Variants in CA10 observed in about 807,000 individuals in gnomAD.
CA10 encodes carbonic anhydrase-related protein 10.
A neutral mutation model predicts 44.2 loss-of-function variants in CA10; 14 were observed. That is an observed-to-expected ratio of 0.32 (90% CI 0.21 to 0.50). The LOEUF (loss-of-function observed/expected upper bound fraction) is 0.50, where lower values mean the gene tolerates loss of function less well. Ranked by LOEUF, CA10 falls within the 20% of genes least tolerant of loss-of-function variation. CA10 has a pLI of 0.99. For missense variants in CA10, 350 were observed against 409.7 expected, an observed-to-expected ratio of 0.85 and a Z score of 1.26; for synonymous variants, 159 against 141.6, an observed-to-expected ratio of 1.12 and a Z score of -0.87.
chr17:52,085,991 C>T (rs893606619), intron 1 of CA10, among the ~76,000 whole-genome samples: 1 of 152,154 alleles, frequency 6.6e-6, no homozygotes, highest in Admixed American at 6.6e-5. Context: ...AAGTTTCTTA[C>T]CATATTGTAT....
intron 1 of CA10, among the ~76,000 whole-genome samples, chr17:52,151,700 G>C (rs998710340): frequency 6.6e-6 from 1 of 152,120 alleles, no homozygotes; most frequent in African/African-American, 2.4e-5. Context: ...TGTCAGTGAT[G>C]ATGATGATGA....
chr17:52,128,301 G>A (rs1989163019), intron 1 of CA10, among the ~76,000 whole-genome samples: 2 of 152,156 alleles, frequency 1.3e-5, no homozygotes, highest in Admixed American at 1.3e-4. Flanking sequence ...ATGCATGGAT[G>A]AGTCACCTCT....
chr17:51,902,958 C>T (rs7220115), intron 3 of CA10, among the ~76,000 whole-genome samples: 9,251 of 152,140 alleles, frequency 0.061, 534 homozygotes, highest in African/African-American at 0.15. Flanking sequence ...AAGAGGGACA[C>T]GCTGCTCATC....
At chr17:52,057,568 G>A (rs1157148028) in intron 2 of CA10, among the ~76,000 whole-genome samples, 1 of 151,992 alleles carries the variant, frequency 6.6e-6, no homozygotes, top group Non-Finnish European at 1.5e-5. Flanking sequence ...TGAGTTTTGG[G>A]GGAGTCAAAG....
intron 1 of CA10, among the ~76,000 whole-genome samples, chr17:52,151,358 T>C (rs772860647): frequency 6.6e-6 from 1 of 152,154 alleles, no homozygotes; most frequent in African/African-American, 2.4e-5. Context: ...TGATATGTCT[T>C]CTTTCTCCCT....
chr17:51,636,692 T>C (rs1387650635), intron 6 of CA10, among the ~76,000 whole-genome samples: 1 of 151,684 alleles, frequency 6.6e-6, no homozygotes, highest in Non-Finnish European at 1.5e-5. Context: ...AAAACAACAA[T>C]AAGAAAATAT....
At chr17:51,654,792 G>A (rs1397088998) in intron 4 of CA10, among the ~76,000 whole-genome samples, 1 of 152,014 alleles carries the variant, frequency 6.6e-6, no homozygotes, top group Non-Finnish European at 1.5e-5. Context: ...TCCTGACCTC[G>A]TGATCCACCC....
chr17:51,737,668 G>A (rs1299137373), intron 4 of CA10, among the ~76,000 whole-genome samples: 1 of 152,144 alleles, frequency 6.6e-6, no homozygotes, highest in African/African-American at 2.4e-5. Flanking sequence ...GCTGAAGTCA[G>A]ATCTTCTAAG....
Position 51,840,803 on chromosome 17 carries a change from G to GA in CA10, c.279+90186dup, listed in dbSNP as rs35700885. Among the ~76,000 whole-genome samples the GA allele has an allele frequency of 3.6e-3, 553 of 152,220 alleles. 3 individuals are homozygous for GA. Among genetic ancestry groups the GA allele is most frequent in the African/African-American group, 0.013 (537 of 41,542 alleles). ...GAAAATACGATATCAAAACCACAGT[G>GA]AAAAAAAGTGTGGCTGTGGCTACAG... On this transcript the variant is annotated intron_variant, in intron 3 of 8. Coordinates refer to ENST00000451037, the MANE Select transcript of CA10 (RefSeq NM_020178.5).
Position 52,076,324 on chromosome 17 carries a change from GCT to G in CA10, c.62-3933_62-3932del, listed in dbSNP as rs1443979434. Among the ~76,000 whole-genome samples the G allele has an allele frequency of 2.6e-5, 4 of 152,296 alleles. No homozygotes were observed. In the East Asian group the frequency reaches 5.8e-4, roughly 22 times the overall value. On this transcript the variant is annotated intron_variant, in intron 1 of 8. Transcript: ENST00000451037. ...CATCCAGAAAGTTGCAAAACACTTT[GCT>G]CTTTCTTCATCTCCAATCATTGCTT...
intron 2 of CA10, among the ~76,000 whole-genome samples, chr17:52,009,789 A>T (rs1168324695): frequency 6.6e-6 from 1 of 152,084 alleles, no homozygotes; most frequent in East Asian, 1.9e-4. Context: ...GCACAGCAAA[A>T]GAAATAAATC....
At chr17:51,669,493 C>T (rs779893730) in intron 4 of CA10, among the ~76,000 whole-genome samples, 4 of 152,156 alleles carry the variant, frequency 2.6e-5, no homozygotes, top group Non-Finnish European at 4.4e-5. Context: ...TCCCCTTCCA[C>T]ACTGTGGAAG....
intron 2 of CA10, among the ~76,000 whole-genome samples, chr17:52,058,988 C>T (rs1209315541): frequency 6.6e-6 from 1 of 152,252 alleles, no homozygotes; most frequent in East Asian, 1.9e-4. Context: ...ATTTTACACA[C>T]TATGCATCCC....
chr17:51,647,475 C>A (rs1271022032), intron 6 of CA10, among the ~76,000 whole-genome samples: 1 of 152,084 alleles, frequency 6.6e-6, no homozygotes, highest in Non-Finnish European at 1.5e-5. Flanking sequence ...CCTGCCTCCC[C>A]TTCCTCTCCC....
chr17:51,751,640 T>C lies in CA10; in HGVS notation c.280-3822A>G, dbSNP rs72832655. Reference sequence around the variant, plus strand: ...ATTCCCAGAGCCTGGTGGAATATAATGTTGCTTGCTAAATGTCATAATGAA... The same window carrying C: ...ATTCCCAGAGCCTGGTGGAATATAACGTTGCTTGCTAAATGTCATAATGAA... On this transcript the variant is annotated intron_variant, in intron 3 of 8. Coordinates refer to ENST00000451037, the MANE Select transcript of CA10 (RefSeq NM_020178.5). 4.6e-3 allele frequency among the ~76,000 whole-genome samples: 705 copies of C among 152,324 alleles called. 2 individuals carry two copies. Among genetic ancestry groups the C allele is most frequent in the Non-Finnish European group, 7.6e-3 (518 of 68,018 alleles).
chr17:51,731,674 GATTT>G (rs10656364), intron 4 of CA10, among the ~76,000 whole-genome samples: 3 of 128,726 alleles, frequency 2.3e-5, no homozygotes, highest in Admixed American at 8.6e-5. Context: ...AAAAAAAAAA[GATTT>G]ATTTATTTAT....
At chr17:51,924,265 A>C (rs572304395) in intron 3 of CA10, among the ~76,000 whole-genome samples, 155 of 152,222 alleles carry the variant, frequency 1.0e-3, no homozygotes, top group Non-Finnish European at 1.9e-3. Context: ...GGAGAGATGC[A>C]TTCACTTTGT....
intron 2 of CA10, among the ~76,000 whole-genome samples, chr17:52,064,218 A>T (rs2907791): frequency 6.6e-6 from 1 of 152,178 alleles, no homozygotes; most frequent in Non-Finnish European, 1.5e-5. Flanking sequence ...CCAAGGACCC[A>T]CATGAGCTTG....
chr17:52,046,408 A>G (rs1361523378), intron 2 of CA10, among the ~76,000 whole-genome samples: 1 of 151,776 alleles, frequency 6.6e-6, no homozygotes, highest in Non-Finnish European at 1.5e-5. Flanking sequence ...TTCTACAGAC[A>G]CCGAAAGTAT....
Sources: allele counts gnomAD v4.1 joint callset (sites outside exome capture counted in the v4.1 genomes callset), GRCh38; gene constraint gnomAD v4.1.1; transcripts MANE v1.5; gene names NCBI Gene and HGNC (gene_info 2026-07-23, HGNC 2026-07-21).